Variants in CCND3 observed in about 807,000 individuals in gnomAD.
CCND3 encodes G1/S-specific cyclin-D3.
A neutral mutation model predicts 28.7 loss-of-function variants in CCND3; 9 were observed. The observed-to-expected ratio is 0.31, with a 90% CI of 0.19 to 0.55. The LOEUF (loss-of-function observed/expected upper bound fraction) is 0.55, where lower values mean the gene tolerates loss of function less well. Among genes scored for constraint, CCND3 ranks in the 20% least tolerant of loss-of-function variants. CCND3 has a pLI of 0.93. For synonymous variants in CCND3, 164 were observed against 163.9 expected, an observed-to-expected ratio of 1.00 and a Z score of 0.00; for missense variants, 315 against 385.8, an observed-to-expected ratio of 0.82 and a Z score of 1.54.
At chr6:41,942,027 C>T (rs2127395895), upstream of CCND3, among the ~76,000 whole-genome samples, 1 of 152,200 alleles carries the variant, frequency 6.6e-6, no homozygotes, top group East Asian at 1.9e-4. Context: ...AGGAGGTGGG[C>T]CTCCTACCCA....
chr6:42,032,669 T>C (rs1288088963), intron 1 of CCND3, among the ~76,000 whole-genome samples: 2 of 152,238 alleles, frequency 1.3e-5, no homozygotes, highest in African/African-American at 2.4e-5. Context: ...GGCTGTTGGG[T>C]GTCCAGCCCC....
rs1044535473 is a variant in CCND3 at position 41,941,432 on chromosome 6, G to A, written c.198+20C>T. The A allele has an allele frequency of 2.5e-6, 4 of 1,606,330 alleles. No individual in the cohort carries two copies. The highest frequency in any genetic ancestry group is 1.1e-5 in the South Asian group (1 of 90,410). ...CCAGACCCGGGAGCGGTGGGGGAGG[G>A]GGACGCGTCCGGGCGGTACCTCCAG... On this transcript the variant is annotated intron_variant, in intron 1 of 4. Coordinates refer to ENST00000372991, the MANE Select transcript of CCND3 (RefSeq NM_001760.5). The surrounding 1 kb of genome is among the most constrained non-coding windows in gnomAD (Gnocchi z 6.1).
At position 41,937,328 on chromosome 6, in the gene CCND3, G is replaced by A. The variant is rs751658895; in HGVS notation, c.481C>T (p.Leu161=). Residue 161 remains leucine (L), a synonymous_variant, in exon 3 of 5, where the codon CTG becomes TTG. Transcript: ENST00000372991. ...GAGAGCCGGTGCAGAATGAAGGCCA[G>A]GAAATCATGTGCAATCACAGCAGCC... The part of the protein sequence containing the change: ...DLAAVIAHDF[L]AFILHRLSLP... The A allele has an allele frequency of 3.7e-6, 6 of 1,614,062 alleles. No homozygotes were observed. In the South Asian group the frequency reaches 4.4e-5, roughly 12 times the overall value.
intron 2 of CCND3, 22 bp downstream of exon 2, chr6:41,940,348 G>A: frequency 1.3e-6 from 2 of 1,584,802 alleles, no homozygotes; most frequent in South Asian, 1.1e-5. Flanking sequence ...CGTGTCGGGG[G>A]TGGGGGGAGT....
At chr6:41,957,302 A>C (rs1199865633) in intron 1 of CCND3, among the ~76,000 whole-genome samples, 1 of 152,196 alleles carries the variant, frequency 6.6e-6, no homozygotes, top group African/African-American at 2.4e-5. Context: ...TATCAGGTTA[A>C]ATTTAAAAGA....
intron 1 of CCND3, among the ~76,000 whole-genome samples, chr6:42,017,547 A>G (rs149301212): frequency 5.3e-4 from 80 of 152,254 alleles, no homozygotes; most frequent in Middle Eastern, 3.4e-3. Flanking sequence ...GCAAGCTTCC[A>G]TTGCATCCAG....
chr6:41,965,806 G>A (rs554482262), intron 1 of CCND3, among the ~76,000 whole-genome samples: 12 of 152,156 alleles, frequency 7.9e-5, no homozygotes, highest in Non-Finnish European at 1.3e-4. Context: ...GATGCCGTAG[G>A]GTTAAGGTCG....
At chr6:41,988,457 G>A (rs1290254092) in intron 1 of CCND3, among the ~76,000 whole-genome samples, 3 of 152,006 alleles carry the variant, frequency 2.0e-5, no homozygotes, top group Admixed American at 2.0e-4. Flanking sequence ...CCTAATGTAT[G>A]CCTGAACATG....
intron 1 of CCND3, among the ~76,000 whole-genome samples, chr6:41,959,509 C>T (rs181242155): frequency 1.3e-5 from 2 of 151,482 alleles, no homozygotes; most frequent in African/African-American, 4.9e-5. Context: ...ATGGTGAAAC[C>T]CCGTCTCTAC....
chr6:42,003,862 A>T (rs1278414764), intron 1 of CCND3, among the ~76,000 whole-genome samples: 1 of 148,010 alleles, frequency 6.8e-6, no homozygotes, highest in Non-Finnish European at 1.5e-5. Context: ...GGATCACTTG[A>T]GCCTGGGAGG....
chr6:41,964,491 TGTGTGTGA>T (rs1761825230), intron 1 of CCND3, among the ~76,000 whole-genome samples: 3 of 133,400 alleles, frequency 2.2e-5, no homozygotes, highest in Admixed American at 7.9e-5. Context: ...TGTGAATGTG[TGTGTGTGA>T]GTGTGTGTGT....
At position 42,048,813 on chromosome 6, in the gene CCND3, C is replaced by G. The variant is rs951260750; in HGVS notation, c.-358G>C. ...GGTCCCCGGCCTGACTCTCCCACCC[C>G]CTGTACACCCTCGGCGAGGCCAGGA... On this transcript the variant is annotated 5_prime_UTR_variant, in exon 1 of 5. Coordinates refer to the CCND3 transcript ENST00000372988. The surrounding 1 kb of genome is among the most constrained non-coding windows in gnomAD (Gnocchi z 4.7). 25 of 392,744 alleles carry G rather than the reference C, an allele frequency of 6.4e-5. No homozygotes were observed. In the East Asian group the frequency reaches 1.7e-3, roughly 26 times the overall value. The allele number at this position is 392,744 out of a possible 1,614,324, so 24.3% of individuals were successfully genotyped here.
chr6:41,996,144 TTTG>T (rs569268249), intron 1 of CCND3, among the ~76,000 whole-genome samples: 15,246 of 137,482 alleles, frequency 0.11, 907 homozygotes, highest in African/African-American at 0.12. Context: ...ATATATTTTT[TTTG>T]TTTGTTTGTT....
At chr6:41,990,418 T>C (rs1021986154) in intron 1 of CCND3, among the ~76,000 whole-genome samples, 2 of 152,044 alleles carry the variant, frequency 1.3e-5, no homozygotes, top group African/African-American at 4.8e-5. Context: ...CATGTCAGTA[T>C]ATTCTTCATA....
intron 1 of CCND3, among the ~76,000 whole-genome samples, chr6:42,028,862 C>T (rs1014382220): frequency 3.9e-5 from 6 of 152,174 alleles, no homozygotes; most frequent in South Asian, 2.1e-4. Context: ...CGTTCGTGTT[C>T]GCTATTTTCA....
At chr6:41,954,407 C>T (rs1023742439) in intron 1 of CCND3, among the ~76,000 whole-genome samples, 13 of 151,188 alleles carry the variant, frequency 8.6e-5, no homozygotes, top group South Asian at 2.1e-4. Context: ...AAAATTTAGC[C>T]GGGTGTTGTG....
chr6:42,044,176 G>C (rs1764457007), intron 1 of CCND3, among the ~76,000 whole-genome samples: 1 of 152,256 alleles, frequency 6.6e-6, no homozygotes, highest in Non-Finnish European at 1.5e-5. Context: ...CAGAGGCGGA[G>C]GCCTGCACGT....
intron 1 of CCND3, among the ~76,000 whole-genome samples, chr6:41,958,755 T>G (rs1416089188): frequency 6.6e-6 from 1 of 152,176 alleles, no homozygotes; most frequent in East Asian, 1.9e-4. Context: ...CCAGTTAATG[T>G]CAGTCTTATT....
intron 1 of CCND3, among the ~76,000 whole-genome samples, chr6:42,029,849 A>G (rs1763993526): frequency 1.3e-5 from 2 of 151,812 alleles, no homozygotes; most frequent in East Asian, 3.9e-4. Flanking sequence ...AAAAAAAAAA[A>G]AAAAAAATTC....
Sources: allele counts gnomAD v4.1 joint callset (sites outside exome capture counted in the v4.1 genomes callset), GRCh38; gene constraint gnomAD v4.1.1; non-coding constraint Gnocchi (gnomAD v3.1); transcripts MANE v1.5; gene names NCBI Gene and HGNC (gene_info 2026-07-23, HGNC 2026-07-21).